SMYD3: variants seen among roughly 807,000 people sequenced by gnomAD.
The protein encoded by SMYD3 is SET and MYND domain containing 3.
A neutral mutation model predicts 57.7 loss-of-function variants in SMYD3; 36 were observed. The ratio of observed to expected loss-of-function variants is 0.62; its 90% CI spans 0.48 to 0.82. SMYD3 has a LOEUF of 0.82. Among genes scored for constraint, SMYD3 ranks in the 40% least tolerant of loss-of-function variants. The pLI is 0.00. For synonymous variants in SMYD3, 211 were observed against 195.0 expected (o/e 1.08, Z -0.68); for missense variants, 515 against 538.8 (o/e 0.96, Z 0.44).
chr1:246,002,156 G>A (rs965253961), intron 5 of SMYD3, among the ~76,000 whole-genome samples: 3 of 151,926 alleles, frequency 2.0e-5, no homozygotes, highest in Non-Finnish European at 4.4e-5. Context: ...AGGAGACTCC[G>A]GTCTGACGGG....
intron 1 of SMYD3, among the ~76,000 whole-genome samples, chr1:246,463,691 C>T (rs1039211447): frequency 7.7e-6 from 1 of 130,588 alleles, no homozygotes; most frequent in African/African-American, 2.8e-5. Context: ...AAAACATTAG[C>T]TGGGTGTTGT....
intron 5 of SMYD3, among the ~76,000 whole-genome samples, chr1:245,973,949 A>AT (rs1240871157): frequency 6.6e-6 from 1 of 152,208 alleles, no homozygotes; most frequent in African/African-American, 2.4e-5. Context: ...TATGAGAGTC[A>AT]TTTTGTAAAA....
intron 1 of SMYD3, among the ~76,000 whole-genome samples, chr1:246,387,875 A>T: frequency 1.1e-5 from 1 of 93,748 alleles, no homozygotes; most frequent in Non-Finnish European, 2.3e-5. Flanking sequence ...GGTTGAAGTC[A>T]GTTTCTGGGG....
At chr1:245,993,752 T>C (rs1436007711) in intron 5 of SMYD3, among the ~76,000 whole-genome samples, 1 of 152,022 alleles carries the variant, frequency 6.6e-6, no homozygotes, top group Non-Finnish European at 1.5e-5. Context: ...GAATAGGGAA[T>C]GGGGAGTTAA....
At chr1:246,396,253 T>A (rs912453464) in intron 1 of SMYD3, among the ~76,000 whole-genome samples, 29 of 152,234 alleles carry the variant, frequency 1.9e-4, no homozygotes, top group African/African-American at 6.5e-4. Flanking sequence ...TACATCAATA[T>A]CCTACTGGTA....
At chr1:245,977,182 G>A (rs890970646) in intron 5 of SMYD3, among the ~76,000 whole-genome samples, 4 of 152,194 alleles carry the variant, frequency 2.6e-5, no homozygotes, top group Non-Finnish European at 5.9e-5. Context: ...CAAACATGAA[G>A]GATTCAGTCA....
intron 1 of SMYD3, among the ~76,000 whole-genome samples, chr1:246,436,003 A>G (rs1249555353): frequency 6.6e-6 from 1 of 152,156 alleles, no homozygotes; most frequent in African/African-American, 2.4e-5. Flanking sequence ...TTGTTACTCA[A>G]CATTTCCTGG....
chr1:246,231,830 G>C (rs1451753814), intron 5 of SMYD3, among the ~76,000 whole-genome samples: 6 of 152,162 alleles, frequency 3.9e-5, no homozygotes, highest in Admixed American at 1.3e-4. Flanking sequence ...AAAAGGAAGG[G>C]TACAACCAAT....
intron 5 of SMYD3, among the ~76,000 whole-genome samples, chr1:246,282,347 A>T (rs867482712): frequency 1.7e-4 from 24 of 138,476 alleles, no homozygotes; most frequent in Non-Finnish European, 3.3e-4. Context: ...AAAAGCAAAA[A>T]AATTAGCTGG....
At chr1:245,923,690 C>T (rs1290384552) in intron 7 of SMYD3, among the ~76,000 whole-genome samples, 1 of 152,146 alleles carries the variant, frequency 6.6e-6, no homozygotes, top group East Asian at 1.9e-4. Flanking sequence ...AACCACTCTC[C>T]ACTCCCTCCC....
chr1:245,889,200 C>G (rs916726320), intron 8 of SMYD3, among the ~76,000 whole-genome samples: 1 of 152,134 alleles, frequency 6.6e-6, no homozygotes, highest in African/African-American at 2.4e-5. Context: ...AAAGCATAAG[C>G]CTTCAAGTTC....
intron 5 of SMYD3, among the ~76,000 whole-genome samples, chr1:246,323,354 C>A (rs1362860290): frequency 1.3e-5 from 2 of 151,966 alleles, no homozygotes; most frequent in African/African-American, 2.4e-5. Flanking sequence ...GGAATATGAC[C>A]GGGAAAATTA....
At chr1:246,116,825 C>T (rs1286989584) in intron 5 of SMYD3, among the ~76,000 whole-genome samples, 1 of 152,194 alleles carries the variant, frequency 6.6e-6, no homozygotes, top group African/African-American at 2.4e-5. Context: ...TCAGCTTAAA[C>T]CTTGTTCCTT....
At chr1:246,101,064 G>GTTTTTTTT (rs538220674) in intron 5 of SMYD3, among the ~76,000 whole-genome samples, 4 of 78,596 alleles carry the variant, frequency 5.1e-5, no homozygotes, top group Admixed American at 1.4e-4. Flanking sequence ...ATTTTTAGGG[G>GTTTTTTTT]TTTTTTGTTT....
rs1175483401 is a variant in SMYD3, at chr1:246,378,796, T to C, written c.165-23702A>G. Among the ~76,000 whole-genome samples, 3 of 109,050 alleles carry C rather than the reference T, an allele frequency of 2.8e-5. No individual in the cohort carries two copies. In the East Asian group the frequency reaches 6.4e-4, roughly 23 times the overall value. The allele number at this position is 109,050 out of a possible 152,430, so 71.5% of individuals were successfully genotyped here. ...ATAATTTAATATATTTAATATATTA[T>C]TTTTATATATTATATATAATATATT... On this transcript the variant is annotated intron_variant, in intron 1 of 11. Coordinates refer to ENST00000490107, the MANE Select transcript of SMYD3 (RefSeq NM_001167740.2).
intron 5 of SMYD3, among the ~76,000 whole-genome samples, chr1:246,022,167 A>C (rs2059483248): frequency 6.6e-6 from 1 of 152,248 alleles, no homozygotes; most frequent in South Asian, 2.1e-4. Context: ...TTAAGACATC[A>C]GTCCCTCTAC....
chr1:246,492,765 C>A (rs2068291365), intron 1 of SMYD3, among the ~76,000 whole-genome samples: 1 of 152,198 alleles, frequency 6.6e-6, no homozygotes. Context: ...CAGCCTGTTT[C>A]TAAATATAGA....
At chr1:246,351,878 A>G (rs2065833149) in intron 2 of SMYD3, among the ~76,000 whole-genome samples, 1 of 152,062 alleles carries the variant, frequency 6.6e-6, no homozygotes, top group African/African-American at 2.4e-5. Flanking sequence ...GCTCACGGCT[A>G]TAATCCCAGC....
chr1:245,923,488 T>C (rs2056139726), intron 7 of SMYD3, among the ~76,000 whole-genome samples: 1 of 152,142 alleles, frequency 6.6e-6, no homozygotes, highest in South Asian at 2.1e-4. Flanking sequence ...GATCCCTACA[T>C]CTTCCCTCAA....
Sources: allele counts gnomAD v4.1 joint callset (sites outside exome capture counted in the v4.1 genomes callset), GRCh38; gene constraint gnomAD v4.1.1; transcripts MANE v1.5; gene names NCBI Gene and HGNC (gene_info 2026-07-23, HGNC 2026-07-21).